The following ZWILCH variants were observed in gnomAD, a reference collection of about 807,000 sequenced individuals.
ZWILCH encodes the protein zwilch kinetochore protein.
ZWILCH carries 74 observed loss-of-function variants against 79.9 expected under a neutral mutation model. The ratio of observed to expected loss-of-function variants is 0.93; its 90% CI spans 0.77 to 1.12. The LOEUF is 1.12. ZWILCH is among the 50% of genes most tolerant of loss of function. ZWILCH has a pLI of 0.00. For synonymous variants in ZWILCH, 241 were observed against 228.2 expected (o/e 1.06, Z -0.51); for missense variants, 694 against 687.5 (o/e 1.01, Z -0.11).
chr15:66,544,284 A>G (rs1895286617), intron 17 of ZWILCH, among the ~76,000 whole-genome samples: 6 of 152,014 alleles, frequency 3.9e-5, no homozygotes, highest in Admixed American at 3.3e-4. Context: ...AAGAAAACAT[A>G]TATTTTGTTT....
chr15:66,519,170 A>G (rs927425764), intron 5 of ZWILCH, 92 bp downstream of exon 5: 2 of 1,252,262 alleles, frequency 1.6e-6, no homozygotes, highest in Non-Finnish European at 2.3e-6. Flanking sequence ...TATTGTTATG[A>G]TGAAAGTGCA....
chr15:66,516,915 C>T (rs1282215315), intron 4 of ZWILCH, among the ~76,000 whole-genome samples: 1 of 152,180 alleles, frequency 6.6e-6, no homozygotes, highest in Non-Finnish European at 1.5e-5. Context: ...GTATTATTTT[C>T]TCCAGCCAGT....
intron 9 of ZWILCH, among the ~76,000 whole-genome samples, chr15:66,527,620 T>C (rs1368611304): frequency 6.6e-6 from 1 of 152,168 alleles, no homozygotes; most frequent in Non-Finnish European, 1.5e-5. Context: ...ATCAGTAGCC[T>C]TTGAATACCT....
At position 66,548,589 on chromosome 15, in the gene ZWILCH, G is replaced by T; in HGVS notation, c.*265G>T. 6.2e-7 allele frequency: 1 copy of T among 1,604,422 alleles called. No individual in the cohort carries two copies. The highest frequency in any genetic ancestry group is 8.5e-7 in the Non-Finnish European group (1 of 1,171,284). ...CCACGATCTCCGTAACCATTTGCAT[G>T]TGACTTAGCAAGGGCTCTGAAATGA... On this transcript the variant is annotated 3_prime_UTR_variant, in exon 19 of 19. Transcript: ENST00000307897.
intron 17 of ZWILCH, 64 bp from the exon 18 acceptor site, chr15:66,546,527 C>G: frequency 9.4e-7 from 1 of 1,062,628 alleles, no homozygotes; most frequent in Non-Finnish European, 1.4e-6. Context: ...TAAAATTCAG[C>G]ATTATACATG....
chr15:66,523,622 T>G (rs1174746613), intron 7 of ZWILCH, 55 bp from the exon 8 acceptor site: 3 of 1,121,864 alleles, frequency 2.7e-6, no homozygotes, highest in Admixed American at 1.9e-5. Flanking sequence ...ATAACACTTA[T>G]GTAGAGAAGG....
At chr15:66,527,768 C>T (rs1304559738) in intron 9 of ZWILCH, 89 bp from the exon 10 acceptor site, 2 of 1,111,394 alleles carry the variant, frequency 1.8e-6, no homozygotes, top group African/African-American at 3.2e-5. Context: ...CTTCTACTGT[C>T]CCCATTTACC....
chr15:66,516,219 G>A (rs1168556509), intron 4 of ZWILCH, among the ~76,000 whole-genome samples: 1 of 152,170 alleles, frequency 6.6e-6, no homozygotes, highest in African/African-American at 2.4e-5. Context: ...TGCACAATGA[G>A]CAGTTATCTC....
In ZWILCH at chr15:66,515,583, A is replaced by G. The variant is rs1448827965; in HGVS notation, c.259A>G (p.Ile87Val). The change falls in exon 4 of 19, where the codon ATA becomes GTA. Residue 87 changes from isoleucine (I) to valine (V), a missense_variant. Transcript: ENST00000307897. ...IEELQSEETA[I>V]SDFSTGENVG... Reference sequence around the variant, plus strand: ...AGAACTTCAATCTGAAGAAACTGCCATATCTGATTTCTCTACTGGCGAAAA... The same window carrying G: ...AGAACTTCAATCTGAAGAAACTGCCGTATCTGATTTCTCTACTGGCGAAAA... The G allele has an allele frequency of 3.1e-6, 5 of 1,613,266 alleles. No individual in the cohort carries two copies. In the African/African-American group the frequency reaches 5.3e-5, roughly 17 times the overall value.
At position 66,548,501 on chromosome 15, in the gene ZWILCH, T is replaced by A. The variant is rs1895466076; in HGVS notation, c.*177T>A. On this transcript the variant is annotated 3_prime_UTR_variant, in exon 19 of 19. Coordinates refer to ENST00000307897, the MANE Select transcript of ZWILCH (RefSeq NM_017975.5). ...TTGATAATCCTGTCTCAGCTCTGCC[T>A]CCTCAGGAGGAGCATTAGTAGAACA... The A allele has an allele frequency of 6.3e-7, 1 of 1,594,386 alleles. No homozygotes were observed. The highest frequency in any genetic ancestry group is 1.1e-5 in the South Asian group (1 of 90,174).
chr15:66,515,643 A>G lies in ZWILCH; in HGVS notation c.319A>G (p.Arg107Gly). The change falls in exon 4 of 19, where the codon AGG (arginine) becomes GGG (glycine). Residue 107 changes from arginine to glycine, a missense_variant and splice_region_variant. Transcript: ENST00000307897. ...GPLALPVGKA[R>G]QLIGLYTMAH... ...ACTTGCTTTACCAGTTGGGAAGGCA[A>G]GGTAGGTTTTCTCTTATGCTGAGTA... 6.2e-7 allele frequency: 1 copy of G among 1,607,768 alleles called. No individual in the cohort carries two copies. The highest frequency in any genetic ancestry group is 8.5e-7 in the Non-Finnish European group (1 of 1,174,794).
At chr15:66,509,867 A>C (rs1482551925) in intron 2 of ZWILCH, among the ~76,000 whole-genome samples, 19 of 91,870 alleles carry the variant, frequency 2.1e-4, no homozygotes, top group African/African-American at 4.2e-4. Context: ...ATATATATAT[A>C]TATCTCTTAA....
intron 1 of ZWILCH, 153 bp from the exon 2 acceptor site, chr15:66,508,688 C>T: frequency 1.5e-6 from 2 of 1,361,376 alleles, no homozygotes; most frequent in South Asian, 1.9e-5. Flanking sequence ...CTTTTTTTCT[C>T]TCTCTGCAAC....
In ZWILCH at chr15:66,548,442, A is replaced by C. The variant is rs973678118; in HGVS notation, c.*118A>C. The C allele has an allele frequency of 1.0e-6, 1 of 981,662 alleles. No individual in the cohort carries two copies. The highest frequency in any genetic ancestry group is 1.6e-5 in the African/African-American group (1 of 62,546). The allele number at this position is 981,662 out of a possible 1,614,324, so 60.8% of individuals were successfully genotyped here. A position where few individuals can be genotyped will look rare whatever the true frequency, so the allele number is the denominator to read the frequency against. On this transcript the variant is annotated 3_prime_UTR_variant, in exon 19 of 19. Coordinates refer to ENST00000307897, the MANE Select transcript of ZWILCH (RefSeq NM_017975.5). ...AAACCCTCAAAGCAGAAAAGGGAGG[A>C]AGATCCTGAAGATTCTCTTATGAAG...
At chr15:66,508,716 G>A in intron 1 of ZWILCH, 125 bp from the exon 2 acceptor site, 1 of 1,470,758 alleles carries the variant, frequency 6.8e-7, no homozygotes, top group East Asian at 2.5e-5. Flanking sequence ...TAGGGCTGCT[G>A]TAAGTACTTG....
intron 1 of ZWILCH, chr15:66,505,624 C>T: frequency 5.4e-6 from 3 of 551,964 alleles, no homozygotes; most frequent in Non-Finnish European, 9.4e-6. Context: ...TGGAAGGTGG[C>T]AAGTGTTCCA....
chr15:66,517,967 G>A (rs546871667), intron 4 of ZWILCH, among the ~76,000 whole-genome samples: 2 of 151,702 alleles, frequency 1.3e-5, no homozygotes, highest in South Asian at 2.1e-4. Context: ...TCCTGACCTC[G>A]TGATCTGCCC....
rs545232469 is a variant in ZWILCH, at chr15:66,531,529, C to T, written c.1156-718C>T. ...AGGCTGGAGTGCAGTGCTGTGATCT[C>T]GGCTCACTGCAGCCTCTGCCTCCCA... On this transcript the variant is annotated intron_variant, in intron 12 of 18. Transcript: ENST00000307897. Among the ~76,000 whole-genome samples, 36 of 152,114 alleles carry T rather than the reference C, an allele frequency of 2.4e-4. No homozygotes were observed. The South Asian group carries it at 2.9e-3, about 12-fold the overall frequency.
chr15:66,508,989 G>T, intron 2 of ZWILCH, 97 bp downstream of exon 2: 1 of 1,343,004 alleles, frequency 7.4e-7, no homozygotes, highest in Non-Finnish European at 1.0e-6. Context: ...ACCCAGGCTG[G>T]AGTGCAGTGG....
Sources: gnomAD v4.1 joint callset for allele counts (sites outside exome capture counted in the v4.1 genomes callset) on GRCh38, gnomAD v4.1.1 for gene constraint, MANE v1.5 for transcripts, NCBI Gene and HGNC (gene_info 2026-07-23, HGNC 2026-07-21) for gene names.